DCBLD1: variants seen among roughly 807,000 people sequenced by gnomAD.
The protein encoded by DCBLD1 is discoidin, CUB and LCCL domain-containing protein 1.
A neutral mutation model predicts 71.5 loss-of-function variants in DCBLD1; 57 were observed. That is an observed-to-expected ratio of 0.80 (90% CI 0.64 to 0.99). The LOEUF is 0.99. DCBLD1 is among the 50% of genes least tolerant of loss of function. The probability of loss-of-function intolerance (pLI) is 0.00; values close to 1 mark genes in which losing one functional copy is unlikely to be tolerated. For synonymous variants in DCBLD1, 380 were observed against 363.8 expected (o/e 1.04, Z -0.51); for missense variants, 891 against 923.5 (o/e 0.96, Z 0.46).
rs188145466 is a variant in DCBLD1 at position 117,518,965 on chromosome 6, C to T, written c.326-851C>T. 4.1e-4 allele frequency among the ~76,000 whole-genome samples: 62 copies of T among 152,154 alleles called. 1 individual carries two copies. The highest frequency in any genetic ancestry group is 3.2e-4 in the Non-Finnish European group (22 of 67,994). On this transcript the variant is annotated intron_variant, in intron 2 of 14. Coordinates refer to ENST00000338728, the MANE Select transcript of DCBLD1 (RefSeq NM_001366458.2). Reference sequence around the variant, plus strand: ...CTTCCTTCATCATGATTGTTGTTGCCGCTGACTATTTCCATACTGTTTTTG... The same window carrying T: ...CTTCCTTCATCATGATTGTTGTTGCTGCTGACTATTTCCATACTGTTTTTG...
chr6:117,528,299 T>C (rs1243951833), intron 5 of DCBLD1, among the ~76,000 whole-genome samples: 1 of 152,192 alleles, frequency 6.6e-6, no homozygotes, highest in Non-Finnish European at 1.5e-5. Flanking sequence ...AGGAGGACTG[T>C]AACAGCACAG....
At chr6:117,493,987 A>C (rs948260867) in intron 1 of DCBLD1, among the ~76,000 whole-genome samples, 2 of 152,164 alleles carry the variant, frequency 1.3e-5, no homozygotes, top group Non-Finnish European at 2.9e-5. Flanking sequence ...TATATATGTG[A>C]AATAATTTGT....
chr6:117,489,069 G>A (rs917504416), intron 1 of DCBLD1, among the ~76,000 whole-genome samples: 5 of 152,172 alleles, frequency 3.3e-5, no homozygotes, highest in Admixed American at 2.0e-4. Context: ...CTGTGTTGCT[G>A]TAAGGGAATA....
intron 1 of DCBLD1, among the ~76,000 whole-genome samples, chr6:117,502,771 A>G (rs932861832): frequency 6.6e-6 from 1 of 152,040 alleles, no homozygotes; most frequent in Non-Finnish European, 1.5e-5. Flanking sequence ...CTAACCACAG[A>G]CATTTTGCAA....
downstream of DCBLD1, chr6:117,549,840 T>TA (rs1290466210): frequency 1.0e-6 from 1 of 985,246 alleles, no homozygotes; most frequent in Non-Finnish European, 1.2e-6. Context: ...GCTGGGGTGT[T>TA]AGAGGCACTC....
intron 5 of DCBLD1, among the ~76,000 whole-genome samples, chr6:117,529,319 G>GTATT (rs1778640622): frequency 6.7e-6 from 1 of 148,736 alleles, no homozygotes; most frequent in South Asian, 2.2e-4. Context: ...GTACAGTTTA[G>GTATT]TATTTTTGGT....
chr6:117,547,558 G>A (rs867310856), intron 14 of DCBLD1: 1 of 553,032 alleles, frequency 1.8e-6, no homozygotes, highest in Admixed American at 2.2e-5. Flanking sequence ...TTTCGAGGCT[G>A]TTTTTTTCTC....
intron 4 of DCBLD1, among the ~76,000 whole-genome samples, chr6:117,522,618 T>A (rs1467515784): frequency 1.3e-5 from 2 of 152,042 alleles, no homozygotes; most frequent in Admixed American, 1.3e-4. Flanking sequence ...ATTTTTAAAT[T>A]TTTTTAGAAA....
chr6:117,483,025 T>A, intron 1 of DCBLD1, 132 bp downstream of exon 1: 1 of 981,098 alleles, frequency 1.0e-6, no homozygotes, highest in Non-Finnish European at 1.2e-6. Flanking sequence ...CGGGAGGAAG[T>A]CGGGCTCGCC....
At chr6:117,493,162 C>G (rs998910213) in intron 1 of DCBLD1, among the ~76,000 whole-genome samples, 2 of 152,116 alleles carry the variant, frequency 1.3e-5, no homozygotes, top group African/African-American at 4.8e-5. Flanking sequence ...GGCAATATCC[C>G]TCTTAATAAG....
chr6:117,555,753 C>T (rs981696574), intron 14 of DCBLD1, among the ~76,000 whole-genome samples: 1 of 152,106 alleles, frequency 6.6e-6, no homozygotes, highest in Non-Finnish European at 1.5e-5. Context: ...AAAACTGTAT[C>T]AAGCCAAGGG....
At chr6:117,506,230 G>A (rs1379426458) in intron 2 of DCBLD1, among the ~76,000 whole-genome samples, 1 of 152,004 alleles carries the variant, frequency 6.6e-6, no homozygotes, top group Non-Finnish European at 1.5e-5. Context: ...GGCACAGTGT[G>A]ATTAGGTGAA....
intron 6 of DCBLD1, among the ~76,000 whole-genome samples, chr6:117,536,513 G>A (rs1411086852): frequency 6.6e-6 from 1 of 152,252 alleles, no homozygotes; most frequent in African/African-American, 2.4e-5. Context: ...TCCTGTGATA[G>A]TGATAGAAGC....
At position 117,568,124 on chromosome 6, in the gene DCBLD1, T is replaced by C. The variant is rs568426941; in HGVS notation, c.1616-1496T>C. On this transcript the variant is annotated intron_variant, in intron 14 of 14. Coordinates refer to the DCBLD1 transcript ENST00000296955. Reference sequence around the variant, plus strand: ...TGAGGTCGGAGGATCTGTTTGAGCCTGGGAGGTTGAGGCTGCAGTGGTCCG... The same window carrying C: ...TGAGGTCGGAGGATCTGTTTGAGCCCGGGAGGTTGAGGCTGCAGTGGTCCG... Among the ~76,000 whole-genome samples the C allele has an allele frequency of 2.0e-5, 3 of 151,968 alleles. No individual in the cohort carries two copies. In the South Asian group the frequency reaches 6.2e-4, roughly 32 times the overall value.
chr6:117,495,243 T>C (rs1777431580), intron 1 of DCBLD1, among the ~76,000 whole-genome samples: 1 of 152,186 alleles, frequency 6.6e-6, no homozygotes, highest in Non-Finnish European at 1.5e-5. Context: ...TTGGTAATTT[T>C]ACAGATGAGG....
chr6:117,532,047 G>T (rs966891346), intron 5 of DCBLD1, among the ~76,000 whole-genome samples: 4 of 152,206 alleles, frequency 2.6e-5, no homozygotes, highest in African/African-American at 9.7e-5. Context: ...CACATGTGTA[G>T]CAGTTAGCTA....
At chr6:117,552,210 C>G (rs762637797), downstream of DCBLD1, among the ~76,000 whole-genome samples, 1 of 152,150 alleles carries the variant, frequency 6.6e-6, no homozygotes, top group Non-Finnish European at 1.5e-5. Flanking sequence ...ATCTTTGTAA[C>G]TATGTGATTA....
intron 13 of DCBLD1, 117 bp downstream of exon 13, chr6:117,544,694 C>CTG: frequency 1.9e-6 from 2 of 1,056,908 alleles, no homozygotes; most frequent in Non-Finnish European, 2.8e-6. Context: ...GACATAAGCC[C>CTG]TGTAGCCTTT....
chr6:117,554,059 G>A (rs979198670), downstream of DCBLD1, among the ~76,000 whole-genome samples: 3 of 152,204 alleles, frequency 2.0e-5, no homozygotes, highest in Non-Finnish European at 4.4e-5. Flanking sequence ...GTGCCACGTG[G>A]TGTTAGCTAT....
Sources: gnomAD v4.1 joint callset for allele counts (sites outside exome capture counted in the v4.1 genomes callset) on GRCh38, gnomAD v4.1.1 for gene constraint, MANE v1.5 for transcripts, NCBI Gene and HGNC (gene_info 2026-07-23, HGNC 2026-07-21) for gene names.